OTUD7A: variants seen among roughly 807,000 people sequenced by gnomAD.
The protein encoded by OTUD7A is OTU deubiquitinase 7A.
A neutral mutation model predicts 65.7 loss-of-function variants in OTUD7A; 12 were observed. The observed-to-expected ratio is 0.18, with a 90% CI of 0.12 to 0.30. OTUD7A has a LOEUF of 0.30. OTUD7A is among the 10% of genes least tolerant of loss of function. The pLI is 1.00. For synonymous variants in OTUD7A, 641 were observed against 586.3 expected, an observed-to-expected ratio of 1.09 and a Z score of -1.35; for missense variants, 1,148 against 1,304.8, an observed-to-expected ratio of 0.88 and a Z score of 1.85.
chr15:31,510,962 CTATATGTAACATAT>C lies in OTUD7A; in HGVS notation c.894-7158_894-7145del, dbSNP rs2041696398. On this transcript the variant is annotated intron_variant, in intron 8 of 12. Coordinates refer to ENST00000307050, the MANE Select transcript of OTUD7A (RefSeq NM_001382637.1). ...ATCTATATGTAACATATATGTATATCTATATGTAACATATGTATATCTATATGTAACATATGTAT... is the reference window on the plus strand; with the variant it reads ...ATCTATATGTAACATATATGTATATCGTATATCTATATGTAACATATGTAT... Among the ~76,000 whole-genome samples, 3 of 95,540 alleles carry C rather than the reference CTATATGTAACATAT, an allele frequency of 3.1e-5. 1 individual carries two copies. The allele number at this position is 95,540 out of a possible 152,430, so 62.7% of individuals were successfully genotyped here. A position where few individuals can be genotyped will look rare whatever the true frequency, so the allele number is the denominator to read the frequency against.
intron 1 of OTUD7A, among the ~76,000 whole-genome samples, chr15:31,679,542 T>C (rs1175412552): frequency 1.3e-5 from 2 of 152,084 alleles, no homozygotes; most frequent in South Asian, 4.2e-4. Context: ...TGAGTTCTCA[T>C]GATAGTGAAT....
intron 1 of OTUD7A, among the ~76,000 whole-genome samples, chr15:31,685,461 C>T (rs1249610863): frequency 3.3e-5 from 5 of 151,304 alleles, no homozygotes; most frequent in East Asian, 3.9e-4. Context: ...CTGGCTAACA[C>T]GGTGAAACCC....
At chr15:31,799,426 A>G (rs1896060337) in intron 1 of OTUD7A, among the ~76,000 whole-genome samples, 1 of 152,110 alleles carries the variant, frequency 6.6e-6, no homozygotes, top group Non-Finnish European at 1.5e-5. Context: ...ATAACCTCCA[A>G]TGTGCCTGCA....
chr15:31,832,395 T>A (rs1259195235), intron 1 of OTUD7A, among the ~76,000 whole-genome samples: 1 of 151,998 alleles, frequency 6.6e-6, no homozygotes, highest in East Asian at 1.9e-4. Context: ...AAGGAATGAG[T>A]GGTCTTTCCA....
chr15:31,610,617 A>ATATATATATATTTTTT, intron 3 of OTUD7A, among the ~76,000 whole-genome samples: 2 of 30,562 alleles, frequency 6.5e-5, no homozygotes, highest in African/African-American at 3.4e-4. Context: ...ATATATATAT[A>ATATATATATATTTTTT]TTTTTTTTTT....
chr15:31,855,753 C>G (rs1220778024), intron 1 of OTUD7A, among the ~76,000 whole-genome samples: 1 of 152,290 alleles, frequency 6.6e-6, no homozygotes, highest in East Asian at 1.9e-4. Flanking sequence ...CTTTCAACCC[C>G]TGAGTGAGCA....
At chr15:31,783,446 C>T (rs1267878750) in intron 1 of OTUD7A, among the ~76,000 whole-genome samples, 3 of 152,166 alleles carry the variant, frequency 2.0e-5, no homozygotes, top group Non-Finnish European at 4.4e-5. Flanking sequence ...GAAGAAGCCG[C>T]ACAAATTAAG....
chr15:31,517,700 C>T lies in OTUD7A; in HGVS notation c.893+8649G>A, dbSNP rs935074564. Among the ~76,000 whole-genome samples, 18 of 152,096 alleles carry T rather than the reference C, an allele frequency of 1.2e-4. No individual in the cohort carries two copies. In the East Asian group the frequency reaches 2.7e-3, roughly 23 times the overall value. Reference sequence around the variant, plus strand: ...AGAATTTCCAGGGTTAGGGATATACCGTCTACCCAATGAAAACACCCTGAG... The same window carrying T: ...AGAATTTCCAGGGTTAGGGATATACTGTCTACCCAATGAAAACACCCTGAG... On this transcript the variant is annotated intron_variant, in intron 8 of 12. Coordinates refer to ENST00000307050, the MANE Select transcript of OTUD7A (RefSeq NM_001382637.1).
At chr15:31,643,851 G>A (rs1891587378) in intron 3 of OTUD7A, among the ~76,000 whole-genome samples, 1 of 152,348 alleles carries the variant, frequency 6.6e-6, no homozygotes, top group Admixed American at 6.5e-5. Flanking sequence ...AGGGCAGAGA[G>A]TCCTTGGCAG....
rs1254939565 is a variant in OTUD7A at position 31,526,386 on chromosome 15, G to A, written c.856C>T (p.Arg286Cys). ...CCGCCATTCTTGCTGAAGTGTGTGC[G>A]CGGCTCGCTGGAGGCCAGCTTCAGC... ...ELLKLASSEP[R>C]THFSKNGGTG... The change falls in exon 8 of 13, where the codon CGC becomes TGC. Residue 286 changes from arginine to cysteine, a missense_variant. Coordinates refer to ENST00000307050, the MANE Select transcript of OTUD7A (RefSeq NM_001382637.1). 3 of 1,601,468 alleles carry A rather than the reference G, an allele frequency of 1.9e-6. No individual in the cohort carries two copies. Among genetic ancestry groups the A allele is most frequent in the Admixed American group, 1.7e-5 (1 of 59,654 alleles).
rs565649253 is a variant in OTUD7A, at chr15:31,592,870, G to T, written c.152-22673C>A. The stretch of plus-strand genomic sequence containing the variant: ...GCTCCAGCCTGGGTGACAGAGCAAG[G>T]CTCTGTCTCAAAAAAAAAAAAAAAA... On this transcript the variant is annotated intron_variant, in intron 3 of 12. Coordinates refer to ENST00000307050, the MANE Select transcript of OTUD7A (RefSeq NM_001382637.1). Among the ~76,000 whole-genome samples the T allele has an allele frequency of 6.8e-5, 5 of 73,752 alleles. No homozygotes were observed. In the South Asian group the frequency reaches 2.7e-3, roughly 39 times the overall value. 48.4% of individuals were successfully genotyped at this position (73,752 alleles called of 152,430 possible). A position where few individuals can be genotyped will look rare whatever the true frequency, so the allele number is the denominator to read the frequency against.
At chr15:31,702,827 A>G (rs1225283250) in intron 1 of OTUD7A, among the ~76,000 whole-genome samples, 1 of 151,208 alleles carries the variant, frequency 6.6e-6, no homozygotes, top group Non-Finnish European at 1.5e-5. Context: ...AAGTGAGAAG[A>G]ATCAATCTAG....
At chr15:31,553,295 C>T (rs1888384874) in intron 5 of OTUD7A, among the ~76,000 whole-genome samples, 1 of 152,156 alleles carries the variant, frequency 6.6e-6, no homozygotes, top group Non-Finnish European at 1.5e-5. Flanking sequence ...TACTGTAGGG[C>T]CCCAGCCTGA....
chr15:31,661,623 A>C (rs1484103664), intron 1 of OTUD7A, among the ~76,000 whole-genome samples: 1 of 152,176 alleles, frequency 6.6e-6, no homozygotes, highest in Non-Finnish European at 1.5e-5. Context: ...CATAATTTTG[A>C]AGCAAATTCC....
chr15:31,689,958 C>T (rs181102050), intron 1 of OTUD7A, among the ~76,000 whole-genome samples: 16 of 152,306 alleles, frequency 1.1e-4, no homozygotes, highest in Non-Finnish European at 2.4e-4. Flanking sequence ...AGGTACACCC[C>T]ATCTCGACTG....
chr15:31,512,168 G>GT (rs2041764906), intron 8 of OTUD7A, among the ~76,000 whole-genome samples: 1 of 151,740 alleles, frequency 6.6e-6, no homozygotes, highest in Admixed American at 6.6e-5. Context: ...TTTTCCTGGT[G>GT]TTTTTTCCTC....
chr15:31,700,069 AT>A (rs1893179240), intron 1 of OTUD7A, among the ~76,000 whole-genome samples: 1 of 151,462 alleles, frequency 6.6e-6, no homozygotes, highest in South Asian at 2.1e-4. Context: ...CCCCCTGCTA[AT>A]GACGGAATCA....
chr15:31,767,282 GAAATGAAACAA>G, intron 1 of OTUD7A: 4 of 838,098 alleles, frequency 4.8e-6, no homozygotes, highest in Non-Finnish European at 8.2e-6. Flanking sequence ...CAACTACCAC[GAAATGAAACAA>G]AAATGAAGAT....
chr15:31,483,247 G>T lies in OTUD7A; in HGVS notation c.*47C>A. The T allele has an allele frequency of 9.4e-7, 1 of 1,063,268 alleles. No individual in the cohort carries two copies. Among genetic ancestry groups the T allele is most frequent in the Non-Finnish European group, 1.1e-6 (1 of 881,720 alleles). The allele number at this position is 1,063,268 out of a possible 1,614,324, so 65.9% of individuals were successfully genotyped here. Reference sequence around the variant, plus strand: ...AAAAAGACACCGACACAATGGAAAAGAAATCCTCGAAGGTAGAACCTCGCC... The same window carrying T: ...AAAAAGACACCGACACAATGGAAAATAAATCCTCGAAGGTAGAACCTCGCC... On this transcript the variant is annotated 3_prime_UTR_variant, in exon 13 of 13. Transcript: ENST00000307050.
Sources: allele counts gnomAD v4.1 joint callset (sites outside exome capture counted in the v4.1 genomes callset), GRCh38; gene constraint gnomAD v4.1.1; transcripts MANE v1.5; gene names NCBI Gene and HGNC (gene_info 2026-07-23, HGNC 2026-07-21).